ERFL: variants seen among roughly 807,000 people sequenced by gnomAD.
ERFL encodes ETS domain-containing transcription factor ERF-like.
A neutral mutation model predicts 27.9 loss-of-function variants in ERFL; 8 were observed. That is an observed-to-expected ratio of 0.29 (90% CI 0.17 to 0.52). ERFL has a LOEUF of 0.52. Ranked by LOEUF, ERFL falls within the 20% of genes least tolerant of loss-of-function variation. ERFL has a pLI of 0.97. For missense variants in ERFL, 294 were observed against 444.4 expected, an observed-to-expected ratio of 0.66 and a Z score of 3.04; for synonymous variants, 174 against 202.8, an observed-to-expected ratio of 0.86 and a Z score of 1.21.
Position 41,909,317 on chromosome 19 carries a change from C to A in ERFL, c.457G>T (p.Gly153Trp), listed in dbSNP as rs935846480. 3.2e-6 allele frequency: 4 copies of A among 1,234,986 alleles called. No homozygotes were observed. The highest frequency in any genetic ancestry group is 8.4e-5 in the Admixed American group (2 of 23,796). The allele number at this position is 1,234,986 out of a possible 1,614,324, so 76.5% of individuals were successfully genotyped here. ...SPLLLTPSPF[G>W]GAPGPDAPPL... The stretch of plus-strand genomic sequence containing the variant: ...GGAGCATCTGGCCCTGGGGCCCCCC[C>A]AAAGGGACTGGGGGTCAGCAAGAGT... Residue 153 changes from glycine (G) to tryptophan (W), a missense_variant, in exon 4 of 6, where the codon GGG becomes TGG. Physicochemically the swap from Gly to Trp is radical, Grantham distance 184. Around this residue, in one of 3 missense-constraint regions of ERFL, gnomAD observed 246 missense variants for 371.4 expected, o/e 0.66. Transcript: ENST00000597630. This position sits in a 1 kb window ranked among gnomAD's most constrained non-coding sequence, Gnocchi z 5.2.
At chr19:41,912,970 G>A (rs2074762728) in intron 1 of ERFL, 38 bp from the exon 2 acceptor site, 8 of 999,726 alleles carry the variant, frequency 8.0e-6, no homozygotes, top group Non-Finnish European at 9.0e-6. Context: ...GACGGGGTGG[G>A]CAGGAGAGAC....
chr19:41,915,578 TCTC>T (rs782520542), intron 1 of ERFL, among the ~76,000 whole-genome samples: 19 of 151,870 alleles, frequency 1.3e-4, no homozygotes, highest in African/African-American at 3.6e-4. Flanking sequence ...CATCTCCATA[TCTC>T]CTCCTCCTCA....
chr19:41,920,101 T>TGAC (rs1555852316), intron 1 of ERFL, among the ~76,000 whole-genome samples: 1 of 106,546 alleles, frequency 9.4e-6, no homozygotes, highest in Admixed American at 1.2e-4. Flanking sequence ...CTCACAGACA[T>TGAC]ACACTCACAG....
rs952857809 is a variant in ERFL at position 41,921,879 on chromosome 19, C to G, written c.-14+6161G>C. 1.4e-3 allele frequency among the ~76,000 whole-genome samples: 210 copies of G among 151,848 alleles called. No homozygotes were observed. The highest frequency in any genetic ancestry group is 4.8e-3 in the African/African-American group (199 of 41,386). On this transcript the variant is annotated intron_variant, in intron 1 of 5. Transcript: ENST00000597630. This position sits in a 1 kb window ranked among gnomAD's most constrained non-coding sequence, Gnocchi z 4.4. ...TCCCAGCTTCAAAGCCCACCCTACC[C>G]CTCCTCCTCCTCATCTCCACCAGGC...
rs111619677 is a variant in ERFL, at chr19:41,914,675, C to T, written c.-13-1743G>A. ...TCCACCATCTCTGTCTCTCCCTCCC[C>T]TTCCACCATCTCTGTCTCTCCCTCC... On this transcript the variant is annotated intron_variant, in intron 1 of 5. Transcript: ENST00000597630. 3.0e-3 allele frequency among the ~76,000 whole-genome samples: 47 copies of T among 15,884 alleles called. 5 individuals carry two copies. Among genetic ancestry groups the T allele is most frequent in the Non-Finnish European group, 3.5e-3 (33 of 9,338 alleles). 10.4% of individuals were successfully genotyped at this position (15,884 alleles called of 152,430 possible). A position where few individuals can be genotyped will look rare whatever the true frequency, so the allele number is the denominator to read the frequency against.
chr19:41,912,112 C>G (rs906398301), intron 2 of ERFL, among the ~76,000 whole-genome samples: 1 of 152,172 alleles, frequency 6.6e-6, no homozygotes, highest in East Asian at 1.9e-4. Context: ...GCCCCCATCC[C>G]AAAATGCGGA....
At chr19:41,925,128 G>A (rs2074863737) in intron 1 of ERFL, among the ~76,000 whole-genome samples, 1 of 152,100 alleles carries the variant, frequency 6.6e-6, no homozygotes, top group Admixed American at 6.6e-5. Context: ...GAGATGTGAA[G>A]CAAAGAGAGA....
At chr19:41,926,620 T>A (rs1333639334) in intron 1 of ERFL, among the ~76,000 whole-genome samples, 2 of 152,162 alleles carry the variant, frequency 1.3e-5, no homozygotes, top group African/African-American at 4.8e-5. Context: ...AGCTCTGGGC[T>A]AGGCGAGGCC....
At chr19:41,913,278 C>T (rs2074765212) in intron 1 of ERFL, among the ~76,000 whole-genome samples, 1 of 151,072 alleles carries the variant, frequency 6.6e-6, no homozygotes, top group Admixed American at 6.6e-5. Flanking sequence ...CCCGCCCGCC[C>T]GCCGCTCGCG....
rs1312105707 is a variant in ERFL, at chr19:41,908,840, C to A, written c.617-164G>T. On this transcript the variant is annotated intron_variant, in intron 5 of 5. Transcript: ENST00000597630. This position sits in a 1 kb window ranked among gnomAD's most constrained non-coding sequence, Gnocchi z 6.7. ...CCAACTCCATCTCCTCCCACTCCCCCACTTGTCTTCCCATTCCTTAGGCAC... is the reference window on the plus strand; with the variant it reads ...CCAACTCCATCTCCTCCCACTCCCCAACTTGTCTTCCCATTCCTTAGGCAC... 1.3e-5 allele frequency among the ~76,000 whole-genome samples: 2 copies of A among 151,732 alleles called. No homozygotes were observed. The highest frequency in any genetic ancestry group is 2.9e-5 in the Non-Finnish European group (2 of 67,884).
In ERFL at chr19:41,921,434, G is replaced by T. The variant is rs1196052737; in HGVS notation, c.-14+6606C>A. Reference sequence around the variant, plus strand: ...AGAAGGAAAGAGACACAGAGGACAAGGACAGGTCCCACAGAAACAGGAAGC... The same window carrying T: ...AGAAGGAAAGAGACACAGAGGACAATGACAGGTCCCACAGAAACAGGAAGC... On this transcript the variant is annotated intron_variant, in intron 1 of 5. Transcript: ENST00000597630. The surrounding 1 kb of genome is among the most constrained non-coding windows in gnomAD (Gnocchi z 4.4). Among the ~76,000 whole-genome samples the T allele has an allele frequency of 6.6e-6, 1 of 152,100 alleles. No individual in the cohort carries two copies. The highest frequency in any genetic ancestry group is 1.5e-5 in the Non-Finnish European group (1 of 68,018).
chr19:41,922,735 G>T (rs187817760), intron 1 of ERFL, among the ~76,000 whole-genome samples: 3 of 152,164 alleles, frequency 2.0e-5, no homozygotes, highest in Non-Finnish European at 2.9e-5. Context: ...CAGCCGGGCT[G>T]GGGGGGACTC....
intron 1 of ERFL, among the ~76,000 whole-genome samples, chr19:41,923,935 G>A (rs2074856846): frequency 1.3e-5 from 1 of 79,952 alleles, no homozygotes; most frequent in African/African-American, 5.4e-5. Flanking sequence ...TGGGGAGGTA[G>A]GGGTATGCTG....
intron 2 of ERFL, 49 bp downstream of exon 2, chr19:41,912,804 G>A: frequency 2.8e-6 from 2 of 703,538 alleles, no homozygotes; most frequent in Non-Finnish European, 2.0e-6. Context: ...GGCTCACTGG[G>A]GAAGCCTGAG....
chr19:41,921,909 C>T lies in ERFL; in HGVS notation c.-14+6131G>A, dbSNP rs781902874. Among the ~76,000 whole-genome samples, 2 of 150,904 alleles carry T rather than the reference C, an allele frequency of 1.3e-5. No homozygotes were observed. The highest frequency in any genetic ancestry group is 3.0e-5 in the Non-Finnish European group (2 of 67,748). ...TCCTCCTCATCTCCACCAGGCCCCA[C>T]CCCACCCAGACCCCAGCTCCATCCT... On this transcript the variant is annotated intron_variant, in intron 1 of 5. Coordinates refer to ENST00000597630, the MANE Select transcript of ERFL (RefSeq NM_001365103.2). This position sits in a 1 kb window ranked among gnomAD's most constrained non-coding sequence, Gnocchi z 4.4.
rs1359076784 is a variant in ERFL at position 41,916,580 on chromosome 19, ACAAT to A, written c.-13-3652_-13-3649del. 5.9e-5 allele frequency among the ~76,000 whole-genome samples: 9 copies of A among 152,290 alleles called. No individual in the cohort carries two copies. Among genetic ancestry groups the A allele is most frequent in the South Asian group, 2.1e-4 (1 of 4,826 alleles). On this transcript the variant is annotated intron_variant, in intron 1 of 5. Coordinates refer to ENST00000597630, the MANE Select transcript of ERFL (RefSeq NM_001365103.2). The surrounding 1 kb of genome is among the most constrained non-coding windows in gnomAD (Gnocchi z 5.4). Reference sequence around the variant, plus strand: ...AACACATAATCACACACTGAGGCTCACAATCAAATACAGAAACCCAGATTCCCAA... The same window carrying A: ...AACACATAATCACACACTGAGGCTCACAAATACAGAAACCCAGATTCCCAA...
Position 41,907,986 on chromosome 19 carries a change from C to T in ERFL, c.*242G>A. ...ATTGCACTTTGGGAGTGGGGCCAGGCGGGGACCCCCCTCAAACTGGAGCCT... is the reference window on the plus strand; with the variant it reads ...ATTGCACTTTGGGAGTGGGGCCAGGTGGGGACCCCCCTCAAACTGGAGCCT... On this transcript the variant is annotated 3_prime_UTR_variant, in exon 6 of 6. Coordinates refer to ENST00000597630, the MANE Select transcript of ERFL (RefSeq NM_001365103.2). 3 of 397,948 alleles carry T rather than the reference C, an allele frequency of 7.5e-6. No individual in the cohort carries two copies. Among genetic ancestry groups the T allele is most frequent in the South Asian group, 1.4e-4 (1 of 7,110 alleles). The allele number at this position is 397,948 out of a possible 1,614,324, so 24.7% of individuals were successfully genotyped here. A position where few individuals can be genotyped will look rare whatever the true frequency, so the allele number is the denominator to read the frequency against.
chr19:41,915,945 C>G (rs912981088), intron 1 of ERFL, among the ~76,000 whole-genome samples: 7 of 152,132 alleles, frequency 4.6e-5, no homozygotes, highest in African/African-American at 9.7e-5. Flanking sequence ...CCCCTCCCCC[C>G]CGCCGGCCGG....
Position 41,909,982 on chromosome 19 carries a change from T to A in ERFL, c.183A>T (p.Ile61=), listed in dbSNP as rs1245049168. The change falls in exon 3 of 6, where the codon ATA becomes ATT. Residue 61 remains isoleucine, a synonymous_variant. Transcript: ENST00000597630. This position sits in a 1 kb window ranked among gnomAD's most constrained non-coding sequence, Gnocchi z 5.2. Reference sequence around the variant, plus strand: ...ATTCCCCGTAGTCCCCCTGCCAGGCTATGACGCCCTGGTACTCCTCCTTCT... The same window carrying A: ...ATTCCCCGTAGTCCCCCTGCCAGGCAATGACGCCCTGGTACTCCTCCTTCT... ...LLQKEEYQGV[I]AWQGDYGEFV... The A allele has an allele frequency of 1.1e-5, 17 of 1,613,714 alleles. No individual in the cohort carries two copies. Among genetic ancestry groups the A allele is most frequent in the South Asian group, 9.9e-5 (9 of 91,076 alleles).
Sources: gnomAD v4.1 joint callset for allele counts (sites outside exome capture counted in the v4.1 genomes callset) on GRCh38, gnomAD v4.1.1 for gene constraint, gnomAD v4.1.1 regional missense constraint, Gnocchi (gnomAD v3.1) non-coding constraint, MANE v1.5 for transcripts, NCBI Gene and HGNC (gene_info 2026-07-23, HGNC 2026-07-21) for gene names.